Variants in ZNF341 observed in about 807,000 individuals in gnomAD.
The protein encoded by ZNF341 is zinc finger protein 341.
A neutral mutation model predicts 87.7 loss-of-function variants in ZNF341; 52 were observed. The ratio of observed to expected loss-of-function variants is 0.59; its 90% confidence interval spans 0.47 to 0.75. The LOEUF (loss-of-function observed/expected upper bound fraction) is 0.75, where lower values mean the gene tolerates loss of function less well. Ranked by LOEUF, ZNF341 falls within the 30% of genes least tolerant of loss-of-function variation. ZNF341 has a pLI of 0.00. For synonymous variants in ZNF341, 459 were observed against 472.7 expected (o/e 0.97, Z 0.38); for missense variants, 977 against 1,145.9 (o/e 0.85, Z 2.13).
rs2122665224 is a variant in ZNF341, at chr20:33,753,416, C to T, written c.734C>T (p.Pro245Leu). 1 of 1,598,198 alleles carries T rather than the reference C, an allele frequency of 6.3e-7. No individual in the cohort carries two copies. Among genetic ancestry groups the T allele is most frequent in the South Asian group, 1.1e-5 (1 of 88,984 alleles). ...GCACTGGGGATGCAGCCCTACCCAC[C>T]CCTAGAGGTGAGCAGAGGGGGCAGG... ...IQALGMQPYP[P>L]LEVPNQCVEP... The change falls in exon 5 of 15, where the codon CCC becomes CTC. Residue 245 changes from proline (P) to leucine (L), a missense_variant. By Grantham distance (98) the Pro-to-Leu change is moderately conservative (BLOSUM62 -3). This residue lies in a region of ZNF341 where 515 missense variants were observed against 598.2 expected (regional missense o/e 0.86). Transcript: ENST00000375200.
At chr20:33,771,448 G>A (rs1370669838) in intron 10 of ZNF341, among the ~76,000 whole-genome samples, 1 of 151,608 alleles carries the variant, frequency 6.6e-6, no homozygotes, top group Non-Finnish European at 1.5e-5. Context: ...GTTTCGCCAT[G>A]TTGCTCAGGC....
At chr20:33,776,156 G>A (rs1165152970) in intron 10 of ZNF341, among the ~76,000 whole-genome samples, 5 of 151,908 alleles carry the variant, frequency 3.3e-5, no homozygotes, top group Non-Finnish European at 7.4e-5. Flanking sequence ...ATGGCTCACT[G>A]CAGCCTTGAC....
At position 33,761,861 on chromosome 20, in the gene ZNF341, G is replaced by A. The variant is rs1280949962; in HGVS notation, c.1029-1G>A. ...GGCACTGACAAGCTTGTCTTCCACA[G>A]CCACACCGGTGAGAAGCCCTTCCAG... On this transcript the variant is annotated splice_acceptor_variant, in intron 7 of 14. Coordinates refer to ENST00000375200, the MANE Select transcript of ZNF341 (RefSeq NM_001282933.2). LOFTEE classifies it high-confidence loss of function. 6.6e-7 allele frequency: 1 copy of A among 1,515,812 alleles called. No homozygotes were observed. The highest frequency in any genetic ancestry group is 2.4e-5 in the East Asian group (1 of 41,238). The allele number at this position is 1,515,812 out of a possible 1,614,324, so 93.9% of individuals were successfully genotyped here.
Position 33,791,100 on chromosome 20 carries a change from C to T in ZNF341, c.2148C>T (p.Cys716=), listed in dbSNP as rs61734271. ...ACTACAAGTTCCGCTGTGCTGGCTGCGCCAAGGGCTTTTCCCGCCACAAAT... is the reference window on the plus strand; with the variant it reads ...ACTACAAGTTCCGCTGTGCTGGCTGTGCCAAGGGCTTTTCCCGCCACAAAT... ...TGNYKFRCAG[C]AKGFSRHKYL... The change falls in exon 15 of 15, where the codon TGC becomes TGT. Residue 716 remains cysteine, a synonymous_variant. Coordinates refer to ENST00000375200, the MANE Select transcript of ZNF341 (RefSeq NM_001282933.2). 1.8e-3 allele frequency: 2,883 copies of T among 1,613,056 alleles called. 5 individuals carry two copies. The highest frequency in any genetic ancestry group is 2.3e-3 in the Non-Finnish European group (2,671 of 1,180,010).
intron 10 of ZNF341, among the ~76,000 whole-genome samples, chr20:33,774,328 T>A (rs900143266): frequency 6.6e-6 from 1 of 152,042 alleles, no homozygotes; most frequent in Non-Finnish European, 1.5e-5. Context: ...ATAAGATTTA[T>A]TGATTTTTTC....
Position 33,753,168 on chromosome 20 carries a change from T to C in ZNF341, c.490-4T>C. On this transcript the variant is annotated splice_region_variant and splice_polypyrimidine_tract_variant and intron_variant, in intron 4 of 14. Transcript: ENST00000375200. ...CTATAACACTTTTTCTTTTCTGATT[T>C]CAGAGCAGCCTGAACATGCATTCCG... 6.2e-7 allele frequency: 1 copy of C among 1,612,074 alleles called. No homozygotes were observed. The highest frequency in any genetic ancestry group is 8.5e-7 in the Non-Finnish European group (1 of 1,180,026).
rs1264820144 is a variant in ZNF341, at chr20:33,732,287, G to C, written c.31+235G>C. Among the ~76,000 whole-genome samples the C allele has an allele frequency of 2.0e-5, 3 of 151,016 alleles. No homozygotes were observed. Among genetic ancestry groups the C allele is most frequent in the East Asian group, 2.0e-4 (1 of 5,128 alleles). ...GCCAGGCCGGCGGGGAGGGGGCTCG[G>C]GTCCGGAACAGCGCCAGCCTGGGCG... On this transcript the variant is annotated intron_variant, in intron 1 of 14. Coordinates refer to ENST00000375200, the MANE Select transcript of ZNF341 (RefSeq NM_001282933.2). The surrounding 1 kb of genome is among the most constrained non-coding windows in gnomAD (Gnocchi z 4.5).
intron 5 of ZNF341, among the ~76,000 whole-genome samples, chr20:33,756,512 A>G (rs2019182511): frequency 6.6e-6 from 1 of 151,760 alleles, no homozygotes; most frequent in African/African-American, 2.4e-5. Context: ...GATTACAGGC[A>G]CACACCACCA....
intron 10 of ZNF341, 51 bp downstream of exon 10, chr20:33,770,343 G>GGGGGGGGGCCTGGC: frequency 5.9e-6 from 3 of 511,254 alleles, no homozygotes; most frequent in East Asian, 5.9e-5. Flanking sequence ...GGTGGGCAGG[G>GGGGGGGGGCCTGGC]AGCCCAGGGC....
chr20:33,777,432 C>T (rs2019651153), intron 10 of ZNF341, among the ~76,000 whole-genome samples: 1 of 150,506 alleles, frequency 6.6e-6, no homozygotes, highest in South Asian at 2.1e-4. Context: ...GTCAGGAGTT[C>T]GAGACCAGCC....
At chr20:33,733,371 G>A (rs2122617186) in intron 1 of ZNF341, among the ~76,000 whole-genome samples, 1 of 151,868 alleles carries the variant, frequency 6.6e-6, no homozygotes, top group Admixed American at 6.6e-5. Context: ...TGAGACTACA[G>A]GCATCCGCCA....
At chr20:33,776,745 A>G (rs552914264) in intron 10 of ZNF341, among the ~76,000 whole-genome samples, 2 of 152,138 alleles carry the variant, frequency 1.3e-5, no homozygotes, top group Non-Finnish European at 2.9e-5. Flanking sequence ...TGCATCAGCT[A>G]TTCACAGGTG....
chr20:33,770,763 A>AGGC (rs2019514657), intron 10 of ZNF341, among the ~76,000 whole-genome samples: 2 of 152,236 alleles, frequency 1.3e-5, no homozygotes, highest in East Asian at 3.9e-4. Context: ...GAAGGAGGCC[A>AGGC]GGAGTTTGAG....
intron 14 of ZNF341, among the ~76,000 whole-genome samples, chr20:33,790,186 C>T (rs570925792): frequency 6.6e-6 from 1 of 151,212 alleles, no homozygotes; most frequent in East Asian, 2.2e-4. Flanking sequence ...ATTCTCTTGC[C>T]TCAGCTTCCC....
chr20:33,738,290 A>G (rs2018733493), intron 1 of ZNF341, among the ~76,000 whole-genome samples: 1 of 152,090 alleles, frequency 6.6e-6, no homozygotes, highest in Non-Finnish European at 1.5e-5. Flanking sequence ...TAATAATGAT[A>G]ATAATATTAT....
At chr20:33,758,675 AC>A (rs1601254972) in intron 6 of ZNF341, 40 bp from the exon 7 acceptor site, 2 of 1,552,970 alleles carry the variant, frequency 1.3e-6, no homozygotes, top group Non-Finnish European at 1.8e-6. Context: ...CCTGAGCTGC[AC>A]CCCCAGCCTC....
At chr20:33,767,635 T>G (rs1438507870) in intron 9 of ZNF341, among the ~76,000 whole-genome samples, 3 of 152,224 alleles carry the variant, frequency 2.0e-5, no homozygotes, top group African/African-American at 7.2e-5. Flanking sequence ...GGGTTATCTC[T>G]TCTTTATCTT....
intron 2 of ZNF341, among the ~76,000 whole-genome samples, chr20:33,744,020 G>A (rs567895169): frequency 5.3e-5 from 8 of 152,310 alleles, no homozygotes; most frequent in South Asian, 4.1e-4. Flanking sequence ...AGTGGCTCAC[G>A]CCTGTAATCC....
intron 1 of ZNF341, 48 bp from the exon 2 acceptor site, chr20:33,740,854 G>A: frequency 6.4e-7 from 1 of 1,563,970 alleles, no homozygotes; most frequent in South Asian, 1.1e-5. Context: ...TGATGTCAGA[G>A]CATGATGCTG....
Sources: gnomAD v4.1 joint callset for allele counts (sites outside exome capture counted in the v4.1 genomes callset) on GRCh38, gnomAD v4.1.1 for gene constraint, gnomAD v4.1.1 regional missense constraint, Gnocchi (gnomAD v3.1) non-coding constraint, MANE v1.5 for transcripts, NCBI Gene and HGNC (gene_info 2026-07-23, HGNC 2026-07-21) for gene names.